The following PCDHGA1 variants were observed in gnomAD, a reference collection of about 807,000 sequenced individuals.
PCDHGA1 encodes the protein protocadherin gamma subfamily A, 1.
Under a neutral mutation model 58.0 loss-of-function variants are expected in PCDHGA1, and 32 were observed. The ratio of observed to expected loss-of-function variants is 0.55; its 90% CI spans 0.42 to 0.74. The LOEUF is 0.74. Ranked by LOEUF, PCDHGA1 falls within the 30% of genes least tolerant of loss-of-function variation. The pLI, the probability that PCDHGA1 is intolerant of heterozygous loss-of-function variation, is 0.00. For missense variants in PCDHGA1, 1,205 were observed against 1,182.3 expected, an observed-to-expected ratio of 1.02 and a Z score of -0.28; for synonymous variants, 498 against 501.1, an observed-to-expected ratio of 0.99 and a Z score of 0.08.
chr5:141,380,433 A>C (rs1228885429), intron 1 of PCDHGA1, among the ~76,000 whole-genome samples: 1 of 152,256 alleles, frequency 6.6e-6, no homozygotes, highest in Non-Finnish European at 1.5e-5. Flanking sequence ...TAGACTTTAC[A>C]TAGAATTCTT....
Position 141,432,811 on chromosome 5 carries a change from T to G in PCDHGA1, c.2422-61996T>G. Reference sequence around the variant, plus strand: ...GCAGCCTCGAGTCTCCAGCTAACTCTGAAACCTCAGACCTCACTCTGTACC... The same window carrying G: ...GCAGCCTCGAGTCTCCAGCTAACTCGGAAACCTCAGACCTCACTCTGTACC... On this transcript the variant is annotated intron_variant, in intron 1 of 3. Transcript: ENST00000517417. The surrounding 1 kb of genome is among the most constrained non-coding windows in gnomAD (Gnocchi z 6.0). 1 of 1,614,126 alleles carries G rather than the reference T, an allele frequency of 6.2e-7. No homozygotes were observed. Among genetic ancestry groups the G allele is most frequent in the Non-Finnish European group, 8.5e-7 (1 of 1,179,988 alleles).
At chr5:141,355,857 C>T in intron 1 of PCDHGA1, 2 of 1,612,456 alleles carry the variant, frequency 1.2e-6, no homozygotes, top group Non-Finnish European at 1.7e-6. Context: ...ATGGAGGTGA[C>T]CCGGTTCGCT....
intron 1 of PCDHGA1, among the ~76,000 whole-genome samples, chr5:141,462,745 TATG>T (rs1249238113): frequency 6.6e-6 from 1 of 152,262 alleles, no homozygotes; most frequent in Non-Finnish European, 1.5e-5. Flanking sequence ...CTGTAATTCC[TATG>T]ATGATTTTCT....
intron 1 of PCDHGA1, chr5:141,423,189 T>A (rs2096719374): frequency 1.2e-6 from 2 of 1,613,562 alleles, no homozygotes; most frequent in Non-Finnish European, 8.5e-7. Flanking sequence ...GCCAGCCCCC[T>A]CTCTCGGCCA....
rs2099664737 is a variant in PCDHGA1, at chr5:141,487,754, G to GTAGAC, written c.2422-7052_2422-7048dup. 1 of 1,552,036 alleles carries GTAGAC rather than the reference G, an allele frequency of 6.4e-7. No homozygotes were observed. The highest frequency in any genetic ancestry group is 1.4e-5 in the African/African-American group (1 of 73,242). ...CATTTTTGTAAGAGGTAACTATGTG[G>GTAGAC]TAGACGCTGTGCTTTGTAACTGTTT... On this transcript the variant is annotated intron_variant, in intron 1 of 3. Transcript: ENST00000517417. This position sits in a 1 kb window ranked among gnomAD's most constrained non-coding sequence, Gnocchi z 5.0.
At chr5:141,479,877 T>C (rs967661238) in intron 1 of PCDHGA1, among the ~76,000 whole-genome samples, 2 of 152,188 alleles carry the variant, frequency 1.3e-5, no homozygotes, top group African/African-American at 4.8e-5. Flanking sequence ...GAGAACCCTA[T>C]ACATACTCTC....
At chr5:141,361,247 CGAGAGACAGAGACTCTG>C in intron 1 of PCDHGA1, 4 of 1,613,946 alleles carry the variant, frequency 2.5e-6, no homozygotes, top group Non-Finnish European at 3.4e-6. Context: ...TTGATAAAAA[CGAGAGACAGAGACTCTG>C]GAGAAAATGG....
chr5:141,434,802 G>A (rs1009500775), intron 1 of PCDHGA1, among the ~76,000 whole-genome samples: 10 of 151,488 alleles, frequency 6.6e-5, no homozygotes, highest in African/African-American at 2.4e-4. Flanking sequence ...TTCTGAGCTT[G>A]GAGAAATATA....
chr5:141,395,542 T>TTGTTTGTTTGTG (rs1267535064), intron 1 of PCDHGA1: 1 of 168,708 alleles, frequency 5.9e-6, no homozygotes, highest in African/African-American at 5.7e-5. Flanking sequence ...TTGCTATTGT[T>TTGTTTGTTTGTG]TGTGTGTGTG....
chr5:141,340,157 A>C, intron 1 of PCDHGA1: 1 of 1,614,210 alleles, frequency 6.2e-7, no homozygotes, highest in Non-Finnish European at 8.5e-7. Context: ...TAAGTTAGAA[A>C]AGTCAGTAGA....
chr5:141,364,541 A>T (rs753562113), intron 1 of PCDHGA1: 3 of 1,614,130 alleles, frequency 1.9e-6, no homozygotes, highest in Middle Eastern at 1.7e-4. Context: ...CTCCAGAGGT[A>T]GGACGCAGCT....
intron 1 of PCDHGA1, chr5:141,427,265 C>T (rs767369457): frequency 6.1e-5 from 28 of 456,570 alleles, no homozygotes; most frequent in Non-Finnish European, 1.1e-4. Context: ...GCATGACCAG[C>T]GAATGTAAAA....
In PCDHGA1 at chr5:141,357,289, G is replaced by C. The variant is rs369077752; in HGVS notation, c.2421+24184G>C. On this transcript the variant is annotated intron_variant, in intron 1 of 3. Transcript: ENST00000517417. Reference sequence around the variant, plus strand: ...CCTCACACTCTATCTCGTGGTGGCAGTGGCCGCTGTCTCCTGCGTCTTCCT... The same window carrying C: ...CCTCACACTCTATCTCGTGGTGGCACTGGCCGCTGTCTCCTGCGTCTTCCT... The C allele has an allele frequency of 1.9e-5, 31 of 1,613,842 alleles. No individual in the cohort carries two copies. Among genetic ancestry groups the C allele is most frequent in the African/African-American group, 2.7e-5 (2 of 74,940 alleles).
intron 1 of PCDHGA1, chr5:141,420,034 C>T (rs373590502): frequency 7.8e-5 from 126 of 1,613,970 alleles, no homozygotes; most frequent in Non-Finnish European, 9.3e-5. Context: ...CTGCAGGAGA[C>T]TGCTTTGAGT....
rs2096651086 is a variant in PCDHGA1 at position 141,422,486 on chromosome 5, A to G, written c.2422-72321A>G. Reference sequence around the variant, plus strand: ...GACAGGGAGTTGGTCCAGAGCTACAATATAACGTTGACAGCCACAGACCAG... The same window carrying G: ...GACAGGGAGTTGGTCCAGAGCTACAGTATAACGTTGACAGCCACAGACCAG... On this transcript the variant is annotated intron_variant, in intron 1 of 3. Coordinates refer to ENST00000517417, the MANE Select transcript of PCDHGA1 (RefSeq NM_018912.3). The G allele has an allele frequency of 1.2e-6, 2 of 1,613,852 alleles. No individual in the cohort carries two copies. The highest frequency in any genetic ancestry group is 1.3e-5 in the African/African-American group (1 of 74,924).
chr5:141,487,067 G>C lies in PCDHGA1; in HGVS notation c.2422-7740G>C, dbSNP rs765539804. 3 of 1,614,048 alleles carry C rather than the reference G, an allele frequency of 1.9e-6. No individual in the cohort carries two copies. The highest frequency in any genetic ancestry group is 3.3e-5 in the Admixed American group (2 of 60,010). ...ATATGCTGGGGAGGTGCGGACGGCT[G>C]TTCCTATCCCAGCTGACCTCCCACC... On this transcript the variant is annotated intron_variant, in intron 1 of 3. Coordinates refer to ENST00000517417, the MANE Select transcript of PCDHGA1 (RefSeq NM_018912.3). The surrounding 1 kb of genome is among the most constrained non-coding windows in gnomAD (Gnocchi z 5.0).
intron 1 of PCDHGA1, chr5:141,340,016 A>T: frequency 6.2e-7 from 1 of 1,614,194 alleles, no homozygotes; most frequent in Non-Finnish European, 8.5e-7. Flanking sequence ...AGAATTTTAC[A>T]TGACATCTGC....
At chr5:141,389,424 G>T in intron 1 of PCDHGA1, 1 of 1,613,510 alleles carries the variant, frequency 6.2e-7, no homozygotes, top group Non-Finnish European at 8.5e-7. Context: ...GGTGGTGTTC[G>T]CGCAGCGCGC....
intron 1 of PCDHGA1, among the ~76,000 whole-genome samples, chr5:141,482,866 G>A (rs768388750): frequency 2.7e-5 from 4 of 150,296 alleles, no homozygotes; most frequent in Non-Finnish European, 4.4e-5. Flanking sequence ...GAGGTCAGGA[G>A]TTTGAAACCA....
Sources: gnomAD v4.1 joint callset for allele counts (sites outside exome capture counted in the v4.1 genomes callset) on GRCh38, gnomAD v4.1.1 for gene constraint, Gnocchi (gnomAD v3.1) non-coding constraint, MANE v1.5 for transcripts, NCBI Gene and HGNC (gene_info 2026-07-23, HGNC 2026-07-21) for gene names.